Variants in SETD3 observed in about 807,000 individuals in gnomAD.
The protein encoded by SETD3 is SET domain containing 3, actin N3(tau)-histidine methyltransferase, also known as actin-histidine N-methyltransferase.
Under a neutral mutation model 63.0 loss-of-function variants are expected in SETD3, and 19 were observed. The ratio of observed to expected loss-of-function variants is 0.30; its 90% CI spans 0.21 to 0.44. The LOEUF is 0.44. Among genes scored for constraint, SETD3 ranks in the 20% least tolerant of loss-of-function variants. The pLI is 1.00. For synonymous variants in SETD3, 286 were observed against 264.1 expected (o/e 1.08, Z -0.80); for missense variants, 587 against 728.5 (o/e 0.81, Z 2.24).
At chr14:99,478,824 C>T (rs1896107262) in intron 1 of SETD3, 1 of 152,196 alleles carries the variant, frequency 6.6e-6, no homozygotes, top group Non-Finnish European at 1.5e-5. Flanking sequence ...TTTATCAGAA[C>T]TCTCAAAACC....
At chr14:99,403,459 T>A (rs879332451) in intron 11 of SETD3, among the ~76,000 whole-genome samples, 2,417 of 54,736 alleles carry the variant, frequency 0.044, 30 homozygotes, top group African/African-American at 0.085. Flanking sequence ...ACACACACTC[T>A]CTCTCTCTCT....
intron 7 of SETD3, among the ~76,000 whole-genome samples, 164 bp downstream of exon 7, chr14:99,413,712 C>T (rs1202821138): frequency 1.3e-5 from 2 of 152,226 alleles, no homozygotes; most frequent in East Asian, 3.8e-4. Context: ...AATGCTGATA[C>T]TTATCCAAGC....
intron 6 of SETD3, among the ~76,000 whole-genome samples, chr14:99,442,057 G>A (rs187671307): frequency 1.6e-4 from 24 of 152,238 alleles, no homozygotes; most frequent in East Asian, 7.7e-4. Context: ...AGACGCCCAC[G>A]GCATGAATTC....
chr14:99,469,936 T>C (rs1895608024), intron 1 of SETD3, among the ~76,000 whole-genome samples: 1 of 152,232 alleles, frequency 6.6e-6, no homozygotes, highest in South Asian at 2.1e-4. Flanking sequence ...GTTCTGCCTA[T>C]TCTTAAACTT....
intron 5 of SETD3, among the ~76,000 whole-genome samples, chr14:99,458,843 T>C (rs1042686050): frequency 1.3e-5 from 2 of 150,674 alleles, no homozygotes; most frequent in Admixed American, 1.3e-4. Context: ...CATTTGAGCC[T>C]GGGAGATCAA....
rs377690255 is a variant in SETD3, at chr14:99,400,276, T to C, written c.1178-17A>G. The stretch of plus-strand genomic sequence containing the variant: ...TCAGTTCTTCTACAAGAAATACAAA[T>C]GGCAATCTGTTAGGAGGAAAACATA... On this transcript the variant is annotated splice_polypyrimidine_tract_variant and intron_variant, in intron 11 of 12. Coordinates refer to ENST00000331768, the MANE Select transcript of SETD3 (RefSeq NM_032233.3). 112 of 1,607,572 alleles carry C rather than the reference T, an allele frequency of 7.0e-5. 1 individual carries two copies. The highest frequency in any genetic ancestry group is 8.5e-5 in the Non-Finnish European group (100 of 1,177,236).
At chr14:99,485,394 A>G (rs988577293), upstream of SETD3, among the ~76,000 whole-genome samples, 1 of 152,044 alleles carries the variant, frequency 6.6e-6, no homozygotes, top group Non-Finnish European at 1.5e-5. Context: ...TACTCTTGAG[A>G]TTTTTTAGTT....
intron 6 of SETD3, 143 bp downstream of exon 6, chr14:99,458,136 T>G: frequency 1.0e-6 from 1 of 992,222 alleles, no homozygotes; most frequent in South Asian, 1.9e-5. Flanking sequence ...AAACAAACGA[T>G]GAAATGTATT....
intron 9 of SETD3, among the ~76,000 whole-genome samples, chr14:99,405,614 A>C (rs1273130588): frequency 6.6e-6 from 1 of 152,110 alleles, no homozygotes; most frequent in Non-Finnish European, 1.5e-5. Context: ...AGGCCAGGAG[A>C]AAGTACCACC....
Position 99,402,336 on chromosome 14 carries a change from A to G in SETD3, c.1177+1889T>C, listed in dbSNP as rs142083124. 2.6e-4 allele frequency among the ~76,000 whole-genome samples: 39 copies of G among 152,322 alleles called. No individual in the cohort carries two copies. In the East Asian group the frequency reaches 7.3e-3, roughly 29 times the overall value. ...TGCACGTGGGCTCTGGAGTTAACAG[A>G]GGTGGGTTCTAAGTCAGGGTCATCA... On this transcript the variant is annotated intron_variant, in intron 11 of 12. Transcript: ENST00000331768.
chr14:99,482,386 G>A (rs1896363327), upstream of SETD3, among the ~76,000 whole-genome samples: 1 of 152,232 alleles, frequency 6.6e-6, no homozygotes, highest in Non-Finnish European at 1.5e-5. Context: ...AGCTTTCAGC[G>A]CCTAGAACAC....
rs372939417 is a variant in SETD3, at chr14:99,432,883, T to C, written c.676-18949A>G. ...CTCTATTCCCCCAAGGGATCAGTCA[T>C]TCTTGGTGGAGAACCGGTGGGCTAA... On this transcript the variant is annotated intron_variant, in intron 6 of 12. Transcript: ENST00000331768. Among the ~76,000 whole-genome samples, 22 of 152,314 alleles carry C rather than the reference T, an allele frequency of 1.4e-4. 2 individuals carry two copies. In the South Asian group the frequency reaches 3.9e-3, roughly 27 times the overall value.
intron 6 of SETD3, among the ~76,000 whole-genome samples, chr14:99,436,183 G>T (rs1185774369): frequency 6.6e-6 from 1 of 152,056 alleles, no homozygotes; most frequent in African/African-American, 2.4e-5. Context: ...TTGACACGTG[G>T]TGATCACGGG....
intron 6 of SETD3, among the ~76,000 whole-genome samples, chr14:99,436,412 T>C (rs1326654694): frequency 6.6e-6 from 1 of 152,112 alleles, no homozygotes; most frequent in Admixed American, 6.5e-5. Context: ...GACAGAAGTG[T>C]TAGGCAAGAC....
chr14:99,404,785 C>A (rs2139618562), intron 10 of SETD3, among the ~76,000 whole-genome samples: 1 of 152,122 alleles, frequency 6.6e-6, no homozygotes, highest in South Asian at 2.1e-4. Context: ...CATTTTATGC[C>A]TCAAATGCAA....
chr14:99,404,352 T>C, intron 10 of SETD3, 42 bp from the exon 11 acceptor site: 1 of 1,570,950 alleles, frequency 6.4e-7, no homozygotes, highest in Non-Finnish European at 8.8e-7. Context: ...CTGCTGCGGT[T>C]ACCCACTTGC....
intron 8 of SETD3, among the ~76,000 whole-genome samples, chr14:99,407,497 T>C (rs2139626210): frequency 6.6e-6 from 1 of 152,330 alleles, no homozygotes; most frequent in African/African-American, 2.4e-5. Flanking sequence ...ATACTGTCCT[T>C]CTGGAGTTGC....
rs564266899 is a variant in SETD3, at chr14:99,398,934, C to T, written c.1530G>A (p.Leu510=). 2 of 1,614,096 alleles carry T rather than the reference C, an allele frequency of 1.2e-6. No individual in the cohort carries two copies. The highest frequency in any genetic ancestry group is 1.7e-5 in the Admixed American group (1 of 60,030). ...PKYEESNLGL[L]ESSVGDSRLP... ...GCCTCGAGTCCCCCACGCTGCTCTC[C>T]AACAGCCCAAGGTTACTCTCTTCAT... Residue 510 remains leucine (L), a synonymous_variant, in exon 13 of 13, where the codon TTG becomes TTA. Transcript: ENST00000331768.
At chr14:99,424,426 A>G (rs1595179221) in intron 6 of SETD3, among the ~76,000 whole-genome samples, 1 of 152,288 alleles carries the variant, frequency 6.6e-6, no homozygotes, top group East Asian at 1.9e-4. Flanking sequence ...ATCACACTTC[A>G]GGGCGGGGAG....
Sources: allele counts gnomAD v4.1 joint callset (sites outside exome capture counted in the v4.1 genomes callset), GRCh38; gene constraint gnomAD v4.1.1; transcripts MANE v1.5; gene names NCBI Gene and HGNC (gene_info 2026-07-23, HGNC 2026-07-21).